The following RNF216 variants were observed in gnomAD, a reference collection of about 807,000 sequenced individuals.
RNF216 encodes the protein E3 ubiquitin-protein ligase RNF216.
In RNF216, 72 loss-of-function variants were observed where a neutral mutation model predicts 110.8. The ratio of observed to expected loss-of-function variants is 0.65; its 90% confidence interval spans 0.54 to 0.79. The LOEUF (loss-of-function observed/expected upper bound fraction) is 0.79, where lower values mean the gene tolerates loss of function less well. Among genes scored for constraint, RNF216 ranks in the 30% least tolerant of loss-of-function variants. RNF216 has a pLI of 0.00. For synonymous variants in RNF216, 495 were observed against 407.5 expected, an observed-to-expected ratio of 1.21 and a Z score of -2.59; for missense variants, 1,342 against 1,141.2, an observed-to-expected ratio of 1.18 and a Z score of -2.54.
intron 3 of RNF216, among the ~76,000 whole-genome samples, chr7:5,745,983 G>C (rs1051010466): frequency 6.6e-6 from 1 of 151,762 alleles, no homozygotes; most frequent in Non-Finnish European, 1.5e-5. Context: ...AATAAAGACA[G>C]TTGAGATCCT....
chr7:5,743,446 C>T (rs907998067), intron 3 of RNF216, among the ~76,000 whole-genome samples: 3 of 152,102 alleles, frequency 2.0e-5, no homozygotes, highest in Non-Finnish European at 4.4e-5. Flanking sequence ...TAAACTATTA[C>T]TTATTTGTTC....
At chr7:5,662,033 T>C (rs852419) in intron 13 of RNF216, among the ~76,000 whole-genome samples, 2,779 of 152,262 alleles carry the variant, frequency 0.018, 33 homozygotes, top group South Asian at 0.035. Flanking sequence ...CAATGGCATC[T>C]TGTGTGAGAA....
intron 1 of RNF216, among the ~76,000 whole-genome samples, chr7:5,772,556 C>A (rs1211507483): frequency 6.6e-6 from 1 of 152,076 alleles, no homozygotes; most frequent in Non-Finnish European, 1.5e-5. Context: ...ATTTTCTTTG[C>A]CTTCCTGGGA....
chr7:5,667,164 T>G (rs1202977631), intron 13 of RNF216, among the ~76,000 whole-genome samples: 1 of 152,194 alleles, frequency 6.6e-6, no homozygotes, highest in African/African-American at 2.4e-5. Flanking sequence ...GTCACTTCAG[T>G]AGATTATGAC....
rs1440747147 is a variant in RNF216 at position 5,652,514 on chromosome 7, G to A, written c.2062-4C>T. 2 of 1,605,438 alleles carry A rather than the reference G, an allele frequency of 1.2e-6. No homozygotes were observed. The highest frequency in any genetic ancestry group is 1.7e-5 in the Admixed American group (1 of 59,964). On this transcript the variant is annotated splice_region_variant and splice_polypyrimidine_tract_variant and intron_variant, in intron 13 of 16. Coordinates refer to ENST00000389902, the MANE Select transcript of RNF216 (RefSeq NM_207111.4). ...CCTGACACTTCCTACAGGTTTCCTGGGGATAAAGGACAGACACAAAGACAA... is the reference window on the plus strand; with the variant it reads ...CCTGACACTTCCTACAGGTTTCCTGAGGATAAAGGACAGACACAAAGACAA...
At chr7:5,743,711 T>G (rs947048891) in intron 3 of RNF216, among the ~76,000 whole-genome samples, 1 of 152,220 alleles carries the variant, frequency 6.6e-6, no homozygotes, top group Non-Finnish European at 1.5e-5. Context: ...GGATACATGC[T>G]AAACTGGTAA....
intron 13 of RNF216, among the ~76,000 whole-genome samples, chr7:5,693,876 T>C (rs1791476536): frequency 6.6e-6 from 1 of 152,186 alleles, no homozygotes; most frequent in South Asian, 2.1e-4. Flanking sequence ...AAGGAGATGC[T>C]ATTTGCTTAA....
At chr7:5,748,277 A>C (rs1795143353) in intron 3 of RNF216, among the ~76,000 whole-genome samples, 1 of 152,134 alleles carries the variant, frequency 6.6e-6, no homozygotes, top group South Asian at 2.1e-4. Context: ...TTGAAGGAAA[A>C]AGCCAAATTC....
At chr7:5,698,337 A>G (rs1219592956) in intron 13 of RNF216, among the ~76,000 whole-genome samples, 1 of 151,624 alleles carries the variant, frequency 6.6e-6, no homozygotes, top group South Asian at 2.1e-4. Context: ...TGGGAACCCA[A>G]TTCATCGGTT....
chr7:5,719,654 G>C (rs947110726), intron 9 of RNF216, among the ~76,000 whole-genome samples: 12 of 152,184 alleles, frequency 7.9e-5, no homozygotes, highest in Non-Finnish European at 1.5e-4. Flanking sequence ...TGATATCAAT[G>C]AATGTCATTC....
chr7:5,623,040 G>T lies in RNF216; in HGVS notation c.2592C>A (p.Phe864Leu). The T allele has an allele frequency of 1.2e-6, 2 of 1,614,074 alleles. No homozygotes were observed. Among genetic ancestry groups the T allele is most frequent in the East Asian group, 2.2e-5 (1 of 44,872 alleles). ...ACACAGGCCGCACGGGAGGCAGGGG[G>T]AAGGGTGGGTGCGCGAAGGCATAGG... The part of the protein sequence containing the change: ...MPPYAFAHPP[F>L]PLPPVRPVFN... The change falls in exon 17 of 17, where the codon TTC becomes TTA. Residue 864 changes from phenylalanine (F) to leucine (L), a missense_variant. By Grantham distance (22) the Phe-to-Leu change is conservative (BLOSUM62 0). Transcript: ENST00000389902.
chr7:5,622,806 T>A lies in RNF216; in HGVS notation c.*54A>T, dbSNP rs760026704. On this transcript the variant is annotated 3_prime_UTR_variant, in exon 17 of 17. Coordinates refer to ENST00000389902, the MANE Select transcript of RNF216 (RefSeq NM_207111.4). ...ACCAGCCTTGGGGGAGGGTTCTCCA[T>A]CCACACTCCTACCCCAAACGGGCTT... The A allele has an allele frequency of 4.8e-5, 73 of 1,508,354 alleles. No homozygotes were observed. The highest frequency in any genetic ancestry group is 6.3e-5 in the Non-Finnish European group (70 of 1,113,756). The allele number at this position is 1,508,354 out of a possible 1,614,324, so 93.4% of individuals were successfully genotyped here. A position where few individuals can be genotyped will look rare whatever the true frequency, so the allele number is the denominator to read the frequency against.
chr7:5,695,611 T>A (rs1791578843), intron 13 of RNF216, among the ~76,000 whole-genome samples: 2 of 152,170 alleles, frequency 1.3e-5, no homozygotes, highest in Non-Finnish European at 2.9e-5. Flanking sequence ...AAAAATGAAT[T>A]GCTTGCTAGC....
At chr7:5,759,296 C>T (rs1795807067) in intron 2 of RNF216, among the ~76,000 whole-genome samples, 1 of 152,100 alleles carries the variant, frequency 6.6e-6, no homozygotes, top group African/African-American at 2.4e-5. Context: ...ACAAATTACC[C>T]AGTCTTGGGC....
At chr7:5,681,679 G>A (rs1480021580) in intron 13 of RNF216, among the ~76,000 whole-genome samples, 1 of 152,126 alleles carries the variant, frequency 6.6e-6, no homozygotes, top group East Asian at 1.9e-4. Context: ...TTTCTGTCTG[G>A]TATGTTGGCC....
intron 1 of RNF216, among the ~76,000 whole-genome samples, chr7:5,776,931 AGAG>A (rs1404212030): frequency 6.1e-5 from 8 of 131,982 alleles, no homozygotes; most frequent in African/African-American, 2.2e-4. Context: ...AGAGAGAAAA[AGAG>A]AGAGAGAGAG....
chr7:5,660,584 T>C (rs572794593), intron 13 of RNF216, among the ~76,000 whole-genome samples: 2 of 151,770 alleles, frequency 1.3e-5, no homozygotes, highest in East Asian at 3.9e-4. Context: ...AGCCCTGTTT[T>C]AATGATTGAC....
chr7:5,634,194 C>G (rs1787255092), intron 15 of RNF216, among the ~76,000 whole-genome samples: 1 of 152,116 alleles, frequency 6.6e-6, no homozygotes, highest in Non-Finnish European at 1.5e-5. Flanking sequence ...TGGCCAGCCT[C>G]CTGTGACCAT....
At chr7:5,658,314 T>C (rs1366595657) in intron 13 of RNF216, among the ~76,000 whole-genome samples, 1 of 152,168 alleles carries the variant, frequency 6.6e-6, no homozygotes, top group Middle Eastern at 3.2e-3. Context: ...TGAAACATAG[T>C]TCAAAAGATT....
Sources: allele counts gnomAD v4.1 joint callset (sites outside exome capture counted in the v4.1 genomes callset), GRCh38; gene constraint gnomAD v4.1.1; transcripts MANE v1.5; gene names NCBI Gene and HGNC (gene_info 2026-07-23, HGNC 2026-07-21).